The following CRY1 variants were observed in gnomAD, a reference collection of about 807,000 sequenced individuals.
CRY1 encodes cryptochrome-1.
In CRY1, 45 loss-of-function variants were observed where a neutral mutation model predicts 76.0. The ratio of observed to expected loss-of-function variants is 0.59; its 90% CI spans 0.47 to 0.76. CRY1 has a LOEUF of 0.76. Ranked by LOEUF, CRY1 falls within the 30% of genes least tolerant of loss-of-function variation. The pLI, the probability that CRY1 is intolerant of heterozygous loss-of-function variation, is 0.00. For missense variants in CRY1, 587 were observed against 716.4 expected (o/e 0.82, Z 2.06); for synonymous variants, 248 against 244.0 (o/e 1.02, Z -0.15).
chr12:107,009,571 T>A (rs866976243), intron 2 of CRY1, among the ~76,000 whole-genome samples: 4,756 of 27,078 alleles, frequency 0.18, 265 homozygotes, highest in East Asian at 0.5. Flanking sequence ...AACATATATA[T>A]ATATATATAT....
At chr12:107,071,762 C>T (rs1953192805) in intron 1 of CRY1, among the ~76,000 whole-genome samples, 1 of 152,054 alleles carries the variant, frequency 6.6e-6, no homozygotes, top group South Asian at 2.1e-4. Flanking sequence ...AATTGTGGTA[C>T]TTATTAAATA....
intron 1 of CRY1, among the ~76,000 whole-genome samples, chr12:107,025,525 T>C (rs1264179735): frequency 6.6e-6 from 1 of 152,194 alleles, no homozygotes; most frequent in Non-Finnish European, 1.5e-5. Context: ...AATTAACATA[T>C]GCGAAGCTCT....
intron 4 of CRY1, 58 bp downstream of exon 4, chr12:107,001,706 T>C: frequency 7.1e-7 from 1 of 1,401,328 alleles, no homozygotes; most frequent in South Asian, 1.6e-5. Flanking sequence ...GGGAATTTTC[T>C]GAGTAATTTA....
intron 1 of CRY1, among the ~76,000 whole-genome samples, chr12:107,066,785 G>C (rs975459274): frequency 1.3e-5 from 2 of 151,736 alleles, no homozygotes; most frequent in Non-Finnish European, 2.9e-5. Context: ...TGTTGTTGTT[G>C]CTGTTGTTTG....
intron 2 of CRY1, among the ~76,000 whole-genome samples, chr12:107,017,222 C>T (rs981250344): frequency 6.6e-6 from 1 of 152,246 alleles, no homozygotes; most frequent in Admixed American, 6.5e-5. Context: ...GCCACCTCTC[C>T]GACGCCATTT....
chr12:107,062,025 C>CAAAAAA (rs35683352), intron 1 of CRY1, among the ~76,000 whole-genome samples: 5 of 93,544 alleles, frequency 5.3e-5, no homozygotes, highest in African/African-American at 9.3e-5. Context: ...GACCCTGTCT[C>CAAAAAA]AAAAAAAAAA....
chr12:106,997,984 T>TG lies in CRY1; in HGVS notation c.1219dup (p.Gln407ProfsTer14). 6.2e-7 allele frequency: 1 copy of TG among 1,614,080 alleles called. No individual in the cohort carries two copies. Among genetic ancestry groups the TG allele is most frequent in the Non-Finnish European group, 8.5e-7 (1 of 1,179,970 alleles). ...AGGGCAATAGCAGTGAAAAAACTGTTGAAAAAAGGAACTACAAGACAGCCA... is the reference window on the plus strand; with the variant it reads ...AGGGCAATAGCAGTGAAAAAACTGTTGGAAAAAAGGAACTACAAGACAGCCA... On this transcript the variant is annotated frameshift_variant, in exon 8 of 13. Coordinates refer to ENST00000008527, the MANE Select transcript of CRY1 (RefSeq NM_004075.5). LOFTEE classifies it high-confidence loss of function.
chr12:107,021,437 T>G (rs1257020999), intron 2 of CRY1, among the ~76,000 whole-genome samples: 1 of 152,202 alleles, frequency 6.6e-6, no homozygotes, highest in Non-Finnish European at 1.5e-5. Context: ...GTAAGTTCAC[T>G]GGCATTTATA....
rs975029550 is a variant in CRY1 at position 106,997,594 on chromosome 12, T to C, written c.1386A>G (p.Ile462Met). 17 of 1,614,040 alleles carry C rather than the reference T, an allele frequency of 1.1e-5. No individual in the cohort carries two copies. Among genetic ancestry groups the C allele is most frequent in the Non-Finnish European group, 1.4e-5 (16 of 1,180,004 alleles). ...CCATTGGTTTAGGATAATTAACTCC[T>C]ATCAAACATTTGGCTACCTTTTGGA... Reference protein sequence around the residue: ...EGIQKVAKCLIGVNYPKPMVN... With the variant: ...EGIQKVAKCLMGVNYPKPMVN... Residue 462 changes from isoleucine (I) to methionine (M), a missense_variant, in exon 9 of 13, where the codon ATA (isoleucine) becomes ATG (methionine). Physicochemically the swap from Ile to Met is conservative, Grantham distance 10. Transcript: ENST00000008527.
chr12:106,999,438 C>T, intron 7 of CRY1, 113 bp downstream of exon 7: 1 of 943,586 alleles, frequency 1.1e-6, no homozygotes, highest in Non-Finnish European at 1.5e-6. Context: ...ATGTTTTATC[C>T]ACTGAAAAAC....
intron 4 of CRY1, 73 bp from the exon 5 acceptor site, chr12:107,001,441 C>A: frequency 7.8e-7 from 1 of 1,287,184 alleles, no homozygotes; most frequent in African/African-American, 1.5e-5. Flanking sequence ...ACTGGGAGAA[C>A]AAATTACTTT....
chr12:106,998,276 G>C (rs893123269), intron 7 of CRY1, among the ~76,000 whole-genome samples: 4 of 152,158 alleles, frequency 2.6e-5, no homozygotes, highest in Non-Finnish European at 5.9e-5. Flanking sequence ...TGCTTCTGAA[G>C]AGAATTTACT....
At chr12:106,994,823 T>C (rs949360479) in intron 10 of CRY1, among the ~76,000 whole-genome samples, 2 of 152,206 alleles carry the variant, frequency 1.3e-5, no homozygotes, top group African/African-American at 4.8e-5. Flanking sequence ...CACTCATGTG[T>C]GGGCTGACAA....
intron 1 of CRY1, among the ~76,000 whole-genome samples, chr12:107,070,920 G>A (rs2136892554): frequency 6.7e-6 from 1 of 149,704 alleles, no homozygotes; most frequent in South Asian, 2.1e-4. Context: ...TAACCAGGAT[G>A]ATCTCGATCT....
chr12:107,005,356 A>C (rs1280093751), intron 2 of CRY1, 108 bp from the exon 3 acceptor site: 11 of 1,191,766 alleles, frequency 9.2e-6, no homozygotes, highest in Non-Finnish European at 1.3e-5. Context: ...GATTATACAT[A>C]AATCAAACTT....
At chr12:107,039,815 T>TA (rs1952778088) in intron 1 of CRY1, among the ~76,000 whole-genome samples, 1 of 152,190 alleles carries the variant, frequency 6.6e-6, no homozygotes. Context: ...TCAAGGTTTT[T>TA]ATCCAAAAGA....
chr12:107,043,540 G>A (rs1442479791), intron 1 of CRY1, among the ~76,000 whole-genome samples: 9 of 152,180 alleles, frequency 5.9e-5, no homozygotes, highest in Non-Finnish European at 1.5e-5. Context: ...CTGAGCTGAT[G>A]TAGTACCCTG....
At chr12:107,047,033 C>G (rs1210999424) in intron 1 of CRY1, among the ~76,000 whole-genome samples, 1 of 152,178 alleles carries the variant, frequency 6.6e-6, no homozygotes, top group Non-Finnish European at 1.5e-5. Context: ...ATGGACCCAA[C>G]AGACATTTAG....
At chr12:107,055,237 C>T (rs1952969135) in intron 1 of CRY1, among the ~76,000 whole-genome samples, 1 of 151,724 alleles carries the variant, frequency 6.6e-6, no homozygotes, top group Non-Finnish European at 1.5e-5. Context: ...ACTGAAAAGA[C>T]AATTAGAAAA....
Sources: gnomAD v4.1 joint callset for allele counts (sites outside exome capture counted in the v4.1 genomes callset) on GRCh38, gnomAD v4.1.1 for gene constraint, MANE v1.5 for transcripts, NCBI Gene and HGNC (gene_info 2026-07-23, HGNC 2026-07-21) for gene names.